The following LRP1B variants were observed in gnomAD, a reference collection of about 807,000 sequenced individuals.
LRP1B encodes the protein LDL receptor related protein 1B.
Under a neutral mutation model 556.6 loss-of-function variants are expected in LRP1B, and 217 were observed. The observed-to-expected ratio is 0.39, with a 90% CI of 0.35 to 0.44. The LOEUF (loss-of-function observed/expected upper bound fraction) is 0.44. Ranked by LOEUF, LRP1B falls within the 20% of genes least tolerant of loss-of-function variation. LRP1B has a pLI of 1.00. For missense variants in LRP1B, 5,053 were observed against 5,620.8 expected (o/e 0.90, Z 3.23); for synonymous variants, 2,047 against 1,865.8 (o/e 1.10, Z -2.50).
chr2:141,645,331 C>T lies in LRP1B; in HGVS notation c.206-164798G>A, dbSNP rs143272599. Among the ~76,000 whole-genome samples the T allele has an allele frequency of 2.2e-3, 333 of 152,196 alleles. 2 individuals carry two copies. Among genetic ancestry groups the T allele is most frequent in the African/African-American group, 7.4e-3 (307 of 41,534 alleles). On this transcript the variant is annotated intron_variant, in intron 2 of 90. Transcript: ENST00000389484. ...TTTGATTGGACTCCACACCATGCCT[C>T]ATATGAAGAAATCTATTCTGGCAGC...
chr2:141,160,423 A>G (rs1169664293), intron 7 of LRP1B, among the ~76,000 whole-genome samples: 1 of 152,150 alleles, frequency 6.6e-6, no homozygotes, highest in Non-Finnish European at 1.5e-5. Flanking sequence ...AGAAAAATTA[A>G]AATTTATGCT....
At chr2:141,558,509 A>G (rs1284212039) in intron 2 of LRP1B, among the ~76,000 whole-genome samples, 1 of 151,766 alleles carries the variant, frequency 6.6e-6, no homozygotes, top group Non-Finnish European at 1.5e-5. Context: ...CTTAACAACA[A>G]TAACAAATTC....
intron 1 of LRP1B, among the ~76,000 whole-genome samples, chr2:141,870,150 AT>A (rs538854828): frequency 6.6e-6 from 1 of 152,012 alleles, no homozygotes; most frequent in Non-Finnish European, 1.5e-5. Flanking sequence ...CACAGTTATA[AT>A]AATTTGAAGT....
chr2:141,474,739 T>G (rs12053266), intron 3 of LRP1B, among the ~76,000 whole-genome samples: 77,789 of 151,894 alleles, frequency 0.51, 20,153 homozygotes, highest in Non-Finnish European at 0.55. Context: ...CATATACTAA[T>G]AATCATACAG....
chr2:140,324,987 A>C (rs1680392410), intron 80 of LRP1B, among the ~76,000 whole-genome samples: 1 of 151,946 alleles, frequency 6.6e-6, no homozygotes, highest in Non-Finnish European at 1.5e-5. Context: ...CTGTGTTATT[A>C]AAAAAAGGGA....
chr2:141,438,304 G>A (rs1375953779), intron 3 of LRP1B, among the ~76,000 whole-genome samples: 1 of 151,990 alleles, frequency 6.6e-6, no homozygotes. Flanking sequence ...TGTGTAATGT[G>A]TGTGTGTTTG....
chr2:141,510,195 G>GACACAC (rs59647485), intron 2 of LRP1B, among the ~76,000 whole-genome samples: 2,947 of 95,036 alleles, frequency 0.031, 43 homozygotes, highest in East Asian at 0.077. Flanking sequence ...CGGCAATACA[G>GACACAC]ACACACACAC....
chr2:141,309,823 C>G (rs1245549059), intron 3 of LRP1B, among the ~76,000 whole-genome samples: 1 of 151,842 alleles, frequency 6.6e-6, no homozygotes, highest in East Asian at 1.9e-4. Context: ...GCACATGGAT[C>G]CCACCCCACC....
rs577006220 is a variant in LRP1B at position 140,558,102 on chromosome 2, G to A, written c.7195-16131C>T. Among the ~76,000 whole-genome samples, 16 of 152,104 alleles carry A rather than the reference G, an allele frequency of 1.1e-4. 1 individual carries two copies. Among genetic ancestry groups the A allele is most frequent in the Non-Finnish European group, 2.2e-4 (15 of 68,016 alleles). On this transcript the variant is annotated intron_variant, in intron 43 of 90. Transcript: ENST00000389484. Reference sequence around the variant, plus strand: ...CACACGTGTTAAGATGGCTATCATGGAAAAGATAATAACAAGTATTAGCAA... The same window carrying A: ...CACACGTGTTAAGATGGCTATCATGAAAAAGATAATAACAAGTATTAGCAA...
chr2:142,018,798 T>C (rs1044373809), intron 1 of LRP1B, among the ~76,000 whole-genome samples: 14 of 152,088 alleles, frequency 9.2e-5, no homozygotes, highest in Middle Eastern at 6.8e-3. Context: ...TTTTTTTTTT[T>C]CCCCAGAAGC....
Position 141,638,649 on chromosome 2 carries a change from A to C in LRP1B, c.206-158116T>G, listed in dbSNP as rs188813301. Among the ~76,000 whole-genome samples the C allele has an allele frequency of 1.7e-5, 2 of 114,410 alleles. 1 individual carries two copies. The highest frequency in any genetic ancestry group is 1.7e-4 in the Admixed American group (2 of 11,472). 75.1% of individuals were successfully genotyped at this position (114,410 alleles called of 152,430 possible). A position where few individuals can be genotyped will look rare whatever the true frequency, so the allele number is the denominator to read the frequency against. ...TCACACAAAGCACAGAGCACCACGC[A>C]GACTGAGAAAGTAGATTCATTCCTG... On this transcript the variant is annotated intron_variant, in intron 2 of 90. Transcript: ENST00000389484.
At chr2:141,524,775 GAGAC>G (rs1235548489) in intron 2 of LRP1B, among the ~76,000 whole-genome samples, 1 of 151,618 alleles carries the variant, frequency 6.6e-6, no homozygotes, top group East Asian at 1.9e-4. Flanking sequence ...AAGAGAGAGA[GAGAC>G]AGAGAGAGAA....
At chr2:141,893,755 A>G (rs146340681) in intron 1 of LRP1B, among the ~76,000 whole-genome samples, 84 of 152,286 alleles carry the variant, frequency 5.5e-4, no homozygotes, top group Non-Finnish European at 1.1e-3. Context: ...CAAAATACAC[A>G]CAACCATTTA....
intron 41 of LRP1B, chr2:140,683,752 T>C: frequency 2.1e-6 from 2 of 962,688 alleles, no homozygotes; most frequent in South Asian, 1.3e-5. Context: ...CATAGCCTTC[T>C]CAGTCTCTCT....
chr2:141,575,302 T>C (rs1330303686), intron 2 of LRP1B, among the ~76,000 whole-genome samples: 2 of 151,974 alleles, frequency 1.3e-5, no homozygotes, highest in Admixed American at 1.3e-4. Context: ...TTAGAAATAA[T>C]GCCACACATC....
At chr2:140,517,938 T>C (rs1689987993) in intron 49 of LRP1B, among the ~76,000 whole-genome samples, 1 of 152,030 alleles carries the variant, frequency 6.6e-6, no homozygotes, top group Non-Finnish European at 1.5e-5. Flanking sequence ...CTTGAACTTC[T>C]GACGTCATGA....
chr2:140,615,592 T>C (rs981232543), intron 41 of LRP1B, among the ~76,000 whole-genome samples: 6 of 152,240 alleles, frequency 3.9e-5, no homozygotes, highest in South Asian at 2.1e-4. Flanking sequence ...CTAGCTAGCT[T>C]TGATAAATTT....
At chr2:140,642,984 C>T (rs1462393319) in intron 41 of LRP1B, among the ~76,000 whole-genome samples, 7 of 152,020 alleles carry the variant, frequency 4.6e-5, no homozygotes, top group Non-Finnish European at 1.0e-4. Flanking sequence ...TTCTATATTC[C>T]ATCTTGTGAT....
In LRP1B at chr2:141,810,113, AAAAGAAAGAAAG is replaced by A. The variant is rs67681645; in HGVS notation, c.205+154_205+165del. Among the ~76,000 whole-genome samples the A allele has an allele frequency of 4.2e-3, 327 of 77,930 alleles. 2 individuals are homozygous for A. Among genetic ancestry groups the A allele is most frequent in the Middle Eastern group, 0.016 (2 of 128 alleles). The allele number at this position is 77,930 out of a possible 152,430, so 51.1% of individuals were successfully genotyped here. A position where few individuals can be genotyped will look rare whatever the true frequency, so the allele number is the denominator to read the frequency against. On this transcript the variant is annotated intron_variant, in intron 2 of 90. Transcript: ENST00000389484. ...TTTGGAAAAAAGAAAGAAAGAAAGA[AAAAGAAAGAAAG>A]AAAGAAAGAAAGAAAGAAAGAAAGA...
Sources: allele counts gnomAD v4.1 joint callset (sites outside exome capture counted in the v4.1 genomes callset), GRCh38; gene constraint gnomAD v4.1.1; transcripts MANE v1.5; gene names NCBI Gene and HGNC (gene_info 2026-07-23, HGNC 2026-07-21).